The following CAMK4 variants were observed in gnomAD, a reference collection of about 807,000 sequenced individuals.
CAMK4 encodes the protein calcium/calmodulin dependent protein kinase IV.
Under a neutral mutation model 44.9 loss-of-function variants are expected in CAMK4, and 22 were observed. The ratio of observed to expected loss-of-function variants is 0.49; its 90% confidence interval spans 0.35 to 0.70. CAMK4 has a LOEUF of 0.70. Among genes scored for constraint, CAMK4 ranks in the 30% least tolerant of loss-of-function variants. CAMK4 has a pLI of 0.01. For synonymous variants in CAMK4, 218 were observed against 215.4 expected, an observed-to-expected ratio of 1.01 and a Z score of -0.11; for missense variants, 498 against 586.8, an observed-to-expected ratio of 0.85 and a Z score of 1.56.
At chr5:111,232,363 G>A (rs961721211) in intron 1 of CAMK4, among the ~76,000 whole-genome samples, 1 of 152,122 alleles carries the variant, frequency 6.6e-6, no homozygotes, top group Non-Finnish European at 1.5e-5. Context: ...TCTTTATGGG[G>A]GAGGGGTAGA....
chr5:111,484,067 T>C lies in CAMK4; in HGVS notation c.1023T>C (p.Ser341=), dbSNP rs1435943134. ...KAVVASSRLG[S]ASSSHGSIQE... ...TGGTGGCCTCTTCGCGCCTGGGAAG[T>C]GCCAGCAGCAGCCATGGCAGCATCC... The change falls in exon 11 of 11, where the codon AGT becomes AGC. Residue 341 remains serine, a synonymous_variant. Coordinates refer to ENST00000282356, the MANE Select transcript of CAMK4 (RefSeq NM_001744.6). This position sits in a 1 kb window ranked among gnomAD's most constrained non-coding sequence, Gnocchi z 5.3. 2 of 1,608,294 alleles carry C rather than the reference T, an allele frequency of 1.2e-6. No individual in the cohort carries two copies. Among genetic ancestry groups the C allele is most frequent in the South Asian group, 2.2e-5 (2 of 90,140 alleles).
At chr5:111,380,079 A>G (rs543748096) in intron 4 of CAMK4, among the ~76,000 whole-genome samples, 1 of 152,254 alleles carries the variant, frequency 6.6e-6, no homozygotes, top group East Asian at 1.9e-4. Context: ...AAACCTCAAC[A>G]TCATTTTCAT....
At chr5:111,273,716 TATAC>T (rs1238104265) in intron 1 of CAMK4, among the ~76,000 whole-genome samples, 63 of 56,994 alleles carry the variant, frequency 1.1e-3, no homozygotes, top group South Asian at 5.1e-3. Flanking sequence ...TATATATATA[TATAC>T]ACACACATAC....
At chr5:111,253,993 A>C (rs1024051148) in intron 1 of CAMK4, among the ~76,000 whole-genome samples, 1 of 152,192 alleles carries the variant, frequency 6.6e-6, no homozygotes, top group Admixed American at 6.5e-5. Flanking sequence ...GCATTTCAGA[A>C]ATCTTTTTGT....
rs1294861595 is a variant in CAMK4 at position 111,326,583 on chromosome 5, T to C, written c.162-17441T>C. On this transcript the variant is annotated intron_variant, in intron 1 of 10. Coordinates refer to ENST00000282356, the MANE Select transcript of CAMK4 (RefSeq NM_001744.6). Reference sequence around the variant, plus strand: ...AAATTAAAAAAAAATCTTCCACCTTTTTTTTTTAAATAGAAGGAAATTTTT... The same window carrying C: ...AAATTAAAAAAAAATCTTCCACCTTCTTTTTTTAAATAGAAGGAAATTTTT... 2.0e-5 allele frequency among the ~76,000 whole-genome samples: 3 copies of C among 151,660 alleles called. No individual in the cohort carries two copies. In the East Asian group the frequency reaches 5.8e-4, roughly 29 times the overall value.
intron 1 of CAMK4, among the ~76,000 whole-genome samples, chr5:111,244,718 G>C (rs4957604): frequency 6.6e-6 from 1 of 151,784 alleles, no homozygotes; most frequent in Non-Finnish European, 1.5e-5. Flanking sequence ...AAAATTAGCC[G>C]GGCATGGTGG....
chr5:111,276,893 A>G (rs1032597477), intron 1 of CAMK4, among the ~76,000 whole-genome samples: 6 of 152,178 alleles, frequency 3.9e-5, no homozygotes, highest in African/African-American at 1.2e-4. Context: ...ATCATTTACT[A>G]TGATCCTTTT....
chr5:111,280,742 A>G (rs533965178), intron 1 of CAMK4, among the ~76,000 whole-genome samples: 48 of 152,330 alleles, frequency 3.2e-4, no homozygotes, highest in African/African-American at 1.1e-3. Context: ...TCTACATGCA[A>G]ATTGGCAGAG....
intron 1 of CAMK4, among the ~76,000 whole-genome samples, chr5:111,319,990 T>G (rs1748590544): frequency 6.6e-6 from 1 of 152,260 alleles, no homozygotes; most frequent in African/African-American, 2.4e-5. Context: ...TGGAAAAAGC[T>G]TAACTTCCAA....
intron 1 of CAMK4, among the ~76,000 whole-genome samples, chr5:111,295,354 C>A (rs1747439043): frequency 6.6e-6 from 1 of 152,198 alleles, no homozygotes; most frequent in Non-Finnish European, 1.5e-5. Context: ...ATGCTCACTT[C>A]CCAGTCTAAA....
rs1375867184 is a variant in CAMK4, at chr5:111,290,033, A to G, written c.162-53991A>G. Among the ~76,000 whole-genome samples the G allele has an allele frequency of 6.6e-6, 1 of 152,234 alleles. No homozygotes were observed. Among genetic ancestry groups the G allele is most frequent in the African/African-American group, 2.4e-5 (1 of 41,462 alleles). ...TGGGGACAGGAAATACAAATTACAC[A>G]CATGGAAGATGGTAAGTATTGGTGA... On this transcript the variant is annotated intron_variant, in intron 1 of 10. Transcript: ENST00000282356. The surrounding 1 kb of genome is among the most constrained non-coding windows in gnomAD (Gnocchi z 4.5).
intron 1 of CAMK4, among the ~76,000 whole-genome samples, chr5:111,291,845 T>G (rs1055225264): frequency 6.6e-6 from 1 of 152,174 alleles, no homozygotes; most frequent in Non-Finnish European, 1.5e-5. Flanking sequence ...GCATTTGCTT[T>G]CTTAGTTTCT....
intron 2 of CAMK4, among the ~76,000 whole-genome samples, chr5:111,348,998 A>G (rs1352331292): frequency 6.6e-6 from 1 of 152,026 alleles, no homozygotes; most frequent in Non-Finnish European, 1.5e-5. Flanking sequence ...TCCTGTAACA[A>G]TATCCATTTG....
chr5:111,397,858 G>A lies in CAMK4; in HGVS notation c.459+3076G>A, dbSNP rs559936050. Among the ~76,000 whole-genome samples the A allele has an allele frequency of 2.0e-5, 3 of 152,206 alleles. No homozygotes were observed. In the South Asian group the frequency reaches 6.2e-4, roughly 32 times the overall value. On this transcript the variant is annotated intron_variant, in intron 5 of 10. Transcript: ENST00000282356. ...TGTGACAATGAGGGGAGAGGGACAT[G>A]TGCCCCTCAGTCTACCGCCCTCCTC... is the stretch of plus-strand genomic sequence containing the variant.
chr5:111,282,221 T>C (rs1294992521), intron 1 of CAMK4, among the ~76,000 whole-genome samples: 4 of 152,244 alleles, frequency 2.6e-5, no homozygotes, highest in African/African-American at 4.8e-5. Context: ...TGCTTGATTC[T>C]TTTATCTAAC....
At chr5:111,331,805 T>C (rs1749178613) in intron 1 of CAMK4, among the ~76,000 whole-genome samples, 1 of 151,770 alleles carries the variant, frequency 6.6e-6, no homozygotes, top group Non-Finnish European at 1.5e-5. Flanking sequence ...AATTATAAAT[T>C]TGTGCTACCC....
At chr5:111,375,146 T>C (rs1346382244) in intron 3 of CAMK4, among the ~76,000 whole-genome samples, 2 of 152,212 alleles carry the variant, frequency 1.3e-5, no homozygotes, top group African/African-American at 4.8e-5. Flanking sequence ...ACGCCATCTT[T>C]ATTTTCATTC....
intron 5 of CAMK4, among the ~76,000 whole-genome samples, chr5:111,395,059 A>G (rs1751946514): frequency 6.6e-6 from 1 of 151,906 alleles, no homozygotes; most frequent in African/African-American, 2.4e-5. Context: ...AAATAAAAAA[A>G]TTAGCTGGGT....
intron 5 of CAMK4, among the ~76,000 whole-genome samples, chr5:111,396,486 T>A (rs1752011963): frequency 6.6e-6 from 1 of 152,106 alleles, no homozygotes; most frequent in Admixed American, 6.6e-5. Context: ...TTCCATTTTC[T>A]TATCTTACAT....
Sources: gnomAD v4.1 joint callset for allele counts (sites outside exome capture counted in the v4.1 genomes callset) on GRCh38, gnomAD v4.1.1 for gene constraint, Gnocchi (gnomAD v3.1) non-coding constraint, MANE v1.5 for transcripts, NCBI Gene and HGNC (gene_info 2026-07-23, HGNC 2026-07-21) for gene names.